COL22A1: variants seen among roughly 807,000 people sequenced by gnomAD.
The protein encoded by COL22A1 is collagen alpha-1(XXII) chain.
A neutral mutation model predicts 248.9 loss-of-function variants in COL22A1; 221 were observed. That is an observed-to-expected ratio of 0.89 (90% CI 0.80 to 0.99). COL22A1 has a LOEUF of 0.99. Among genes scored for constraint, COL22A1 ranks in the 50% least tolerant of loss-of-function variants. The pLI is 0.00. For missense variants in COL22A1, 2,240 were observed against 2,179.0 expected (o/e 1.03, Z -0.56); for synonymous variants, 891 against 793.4 (o/e 1.12, Z -2.07).
intron 18 of COL22A1, among the ~76,000 whole-genome samples, chr8:138,757,120 C>A (rs1833072919): frequency 6.6e-6 from 1 of 152,208 alleles, no homozygotes; most frequent in Non-Finnish European, 1.5e-5. Context: ...ATAGCCCCTG[C>A]AGGCACTTCC....
In COL22A1 at chr8:138,883,974, C is replaced by T. The variant is rs566766002; in HGVS notation, c.-72-730G>A. 1.2e-4 allele frequency among the ~76,000 whole-genome samples: 18 copies of T among 152,228 alleles called. No individual in the cohort carries two copies. The South Asian group carries it at 3.5e-3, about 30-fold the overall frequency. ...GATCTACCCACCCTGTCCAGCCTGG[C>T]CTCTCACCTCGCCTCACTCCCCCAC... is the stretch of plus-strand genomic sequence containing the variant. On this transcript the variant is annotated intron_variant, in intron 1 of 64. Transcript: ENST00000303045.
intron 1 of COL22A1, among the ~76,000 whole-genome samples, chr8:138,912,516 G>A (rs974727001): frequency 2.0e-5 from 3 of 152,164 alleles, no homozygotes; most frequent in South Asian, 2.1e-4. Flanking sequence ...CAAGGTGGGC[G>A]GATCACCTGA....
At chr8:138,676,734 G>A in intron 40 of COL22A1, 99 bp from the exon 41 acceptor site, 1 of 893,422 alleles carries the variant, frequency 1.1e-6, no homozygotes, top group Non-Finnish European at 1.7e-6. Context: ...CTGACTGCAG[G>A]CTTCTCCTGC....
Position 138,636,783 on chromosome 8 carries a change from C to T in COL22A1, c.3514G>A (p.Glu1172Lys), listed in dbSNP as rs1821218092. Residue 1172 changes from glutamate to lysine, a missense_variant, in exon 48 of 65, where the codon GAA (glutamate) becomes AAA (lysine). Physicochemically the swap from Glu to Lys is moderately conservative, Grantham distance 56. Coordinates refer to ENST00000303045, the MANE Select transcript of COL22A1 (RefSeq NM_152888.3). ...GIAGPQGSQG[E>K]RGADGEVGQK... ...CCAACCTCACCATCTGCACCACGTT[C>T]TCCTTGACTTCCCTTGAAAGGAAAA... 2.5e-6 allele frequency: 4 copies of T among 1,613,374 alleles called. No homozygotes were observed. Among genetic ancestry groups the T allele is most frequent in the East Asian group, 2.2e-5 (1 of 44,866 alleles).
intron 23 of COL22A1, among the ~76,000 whole-genome samples, chr8:138,731,084 C>T (rs1387805957): frequency 6.6e-6 from 1 of 152,052 alleles, no homozygotes; most frequent in Non-Finnish European, 1.5e-5. Flanking sequence ...GGCAGATCAC[C>T]TGAGGTCGGG....
intron 16 of COL22A1, among the ~76,000 whole-genome samples, chr8:138,764,442 C>T (rs1478527387): frequency 6.6e-6 from 1 of 152,226 alleles, no homozygotes; most frequent in East Asian, 1.9e-4. Context: ...GTGCAGGAAA[C>T]CAGTGAATCA....
At chr8:138,757,118 T>C (rs1833072259) in intron 18 of COL22A1, among the ~76,000 whole-genome samples, 1 of 152,178 alleles carries the variant, frequency 6.6e-6, no homozygotes, top group Non-Finnish European at 1.5e-5. Context: ...CTATAGCCCC[T>C]GCAGGCACTT....
chr8:138,832,674 C>T (rs981603117), intron 5 of COL22A1, among the ~76,000 whole-genome samples: 2 of 152,162 alleles, frequency 1.3e-5, no homozygotes, highest in East Asian at 1.9e-4. Context: ...GGTGAAGCCA[C>T]GCCTGCCATG....
intron 1 of COL22A1, among the ~76,000 whole-genome samples, chr8:138,906,739 A>G (rs1815059509): frequency 6.7e-6 from 1 of 150,182 alleles, no homozygotes; most frequent in Non-Finnish European, 1.5e-5. Flanking sequence ...TGTAACCTCC[A>G]CCTCCTGGAT....
At position 138,603,525 on chromosome 8, in the gene COL22A1, C is replaced by G. The variant is rs1259043221; in HGVS notation, c.4140+1209G>C. Among the ~76,000 whole-genome samples, 3 of 152,286 alleles carry G rather than the reference C, an allele frequency of 2.0e-5. No homozygotes were observed. The East Asian group carries it at 5.8e-4, about 29-fold the overall frequency. On this transcript the variant is annotated intron_variant, in intron 59 of 64. Transcript: ENST00000303045. ...GGAGAGCTGGATCATATCTGGAAGACTTAGGATGCCTGCTTAGCCTAGAAT... is the reference window on the plus strand; with the variant it reads ...GGAGAGCTGGATCATATCTGGAAGAGTTAGGATGCCTGCTTAGCCTAGAAT...
Position 138,716,824 on chromosome 8 carries a change from C to A in COL22A1, c.2400+1G>T, listed in dbSNP as rs769629005. 1 of 1,606,774 alleles carries A rather than the reference C, an allele frequency of 6.2e-7. No individual in the cohort carries two copies. The highest frequency in any genetic ancestry group is 8.5e-7 in the Non-Finnish European group (1 of 1,173,400). ...ATGAATAAAAGCACAAACAAACAGA[C>A]CTTCTCTCCAGGTCGGCCTGCCAGG... On this transcript the variant is annotated splice_donor_variant, in intron 28 of 64. Coordinates refer to ENST00000303045, the MANE Select transcript of COL22A1 (RefSeq NM_152888.3). LOFTEE classifies it high-confidence loss of function.
chr8:138,653,900 G>A (rs145505306), intron 45 of COL22A1, among the ~76,000 whole-genome samples: 3 of 152,288 alleles, frequency 2.0e-5, no homozygotes, highest in Non-Finnish European at 4.4e-5. Context: ...CCAGGCTGTT[G>A]ACTATAGAAT....
At chr8:138,621,574 AG>A (rs1819804356) in intron 52 of COL22A1, among the ~76,000 whole-genome samples, 1 of 152,192 alleles carries the variant, frequency 6.6e-6, no homozygotes, top group Admixed American at 6.5e-5. Flanking sequence ...TTCTGCAGAA[AG>A]GTCAATGCAC....
At chr8:138,735,148 C>G (rs373453851) in intron 23 of COL22A1, among the ~76,000 whole-genome samples, 59 of 152,116 alleles carry the variant, frequency 3.9e-4, no homozygotes, top group Non-Finnish European at 3.1e-4. Flanking sequence ...CAAACCTGCA[C>G]GTTCTGCACA....
intron 62 of COL22A1, among the ~76,000 whole-genome samples, chr8:138,595,949 A>T (rs2131800991): frequency 6.6e-6 from 1 of 152,326 alleles, no homozygotes; most frequent in African/African-American, 2.4e-5. Context: ...GAGCTTGGTG[A>T]TGAAGAACAC....
chr8:138,671,337 G>A (rs532061247), intron 41 of COL22A1, among the ~76,000 whole-genome samples: 4 of 152,286 alleles, frequency 2.6e-5, no homozygotes, highest in Admixed American at 6.5e-5. Flanking sequence ...ACATGGCACC[G>A]TGGCTGTTGA....
chr8:138,779,825 G>A (rs1028000444), intron 13 of COL22A1, among the ~76,000 whole-genome samples: 6 of 152,236 alleles, frequency 3.9e-5, no homozygotes, highest in South Asian at 2.1e-4. Context: ...GCAATGGCAC[G>A]ATCATAGCTC....
Position 138,668,315 on chromosome 8 carries a change from T to C in COL22A1, c.3151-4575A>G, listed in dbSNP as rs149452474. Among the ~76,000 whole-genome samples the C allele has an allele frequency of 3.0e-3, 462 of 152,308 alleles. 3 individuals are homozygous for C. The highest frequency in any genetic ancestry group is 0.011 in the African/African-American group (450 of 41,556). On this transcript the variant is annotated intron_variant, in intron 41 of 64. Transcript: ENST00000303045. ...ATTGGCTGTGGGATCCTGGCACTAG[T>C]TGTGGCTATATGGGTGTTTATTTTA...
intron 22 of COL22A1, among the ~76,000 whole-genome samples, chr8:138,740,695 A>G (rs1341934667): frequency 6.6e-6 from 1 of 152,216 alleles, no homozygotes; most frequent in African/African-American, 2.4e-5. Flanking sequence ...AGCAGACACC[A>G]TAAGCATTAG....
Sources: gnomAD v4.1 joint callset for allele counts (sites outside exome capture counted in the v4.1 genomes callset) on GRCh38, gnomAD v4.1.1 for gene constraint, MANE v1.5 for transcripts, NCBI Gene and HGNC (gene_info 2026-07-23, HGNC 2026-07-21) for gene names.